Variants in ANKRD46 observed in about 807,000 individuals in gnomAD.
ANKRD46 encodes the protein ankyrin repeat domain 46.
In ANKRD46, 13 loss-of-function variants were observed where a neutral mutation model predicts 19.8. The ratio of observed to expected loss-of-function variants is 0.66; its 90% confidence interval spans 0.43 to 1.04. The LOEUF is 1.04. Among genes scored for constraint, ANKRD46 ranks in the 50% least tolerant of loss-of-function variants. The pLI is 0.00. For missense variants in ANKRD46, 185 were observed against 274.8 expected (o/e 0.67, Z 2.31); for synonymous variants, 91 against 106.9 (o/e 0.85, Z 0.92).
Position 100,510,549 on chromosome 8 carries a change from T to G in ANKRD46, c.*28A>C. 6.5e-7 allele frequency: 1 copy of G among 1,528,528 alleles called. No homozygotes were observed. The highest frequency in any genetic ancestry group is 8.8e-7 in the Non-Finnish European group (1 of 1,142,576). The allele number at this position is 1,528,528 out of a possible 1,614,324, so 94.7% of individuals were successfully genotyped here. A position where few individuals can be genotyped will look rare whatever the true frequency, so the allele number is the denominator to read the frequency against. ...TCCCTTCTTTCTTGCCTTCTGAGGC[T>G]CAGGAGCACAGGACACTGACCTAGA... On this transcript the variant is annotated 3_prime_UTR_variant, in exon 6 of 6. Coordinates refer to the ANKRD46 transcript ENST00000520552. The surrounding 1 kb of genome is among the most constrained non-coding windows in gnomAD (Gnocchi z 4.9).
rs948811668 is a variant in ANKRD46 at position 100,557,418 on chromosome 8, T to C, written c.-131+2293A>G. Among the ~76,000 whole-genome samples, 1 of 152,242 alleles carries C rather than the reference T, an allele frequency of 6.6e-6. No homozygotes were observed. The highest frequency in any genetic ancestry group is 2.4e-5 in the African/African-American group (1 of 41,470). On this transcript the variant is annotated intron_variant, in intron 1 of 4. Coordinates refer to ENST00000335659, the MANE Select transcript of ANKRD46 (RefSeq NM_001270377.2). This position sits in a 1 kb window ranked among gnomAD's most constrained non-coding sequence, Gnocchi z 5.9. ...CTTACTGCCTCTCTTACTACCCACC[T>C]GGTCTAAGCCACCATTCTCTCTGGC...
chr8:100,545,430 T>C lies in ANKRD46; in HGVS notation c.-130-12119A>G, dbSNP rs1812254045. Among the ~76,000 whole-genome samples, 1 of 152,164 alleles carries C rather than the reference T, an allele frequency of 6.6e-6. No homozygotes were observed. The highest frequency in any genetic ancestry group is 2.1e-4 in the South Asian group (1 of 4,828). ...TAAAATTGGTCGTTTCCCCTACACA[T>C]TCTCTCTTGCCGCCATGTAAGATGT... On this transcript the variant is annotated intron_variant, in intron 1 of 4. Coordinates refer to ENST00000335659, the MANE Select transcript of ANKRD46 (RefSeq NM_001270377.2). This position sits in a 1 kb window ranked among gnomAD's most constrained non-coding sequence, Gnocchi z 4.7.
At chr8:100,552,821 G>A (rs1013634747) in intron 1 of ANKRD46, among the ~76,000 whole-genome samples, 14 of 152,172 alleles carry the variant, frequency 9.2e-5, no homozygotes, top group Non-Finnish European at 7.3e-5. Flanking sequence ...TTCCTATTAC[G>A]GGTATCAATA....
Position 100,522,122 on chromosome 8 carries a change from A to T in ANKRD46, c.*433T>A, listed in dbSNP as rs563772332. The T allele has an allele frequency of 2.0e-6, 2 of 990,612 alleles. No individual in the cohort carries two copies. The highest frequency in any genetic ancestry group is 2.2e-4 in the East Asian group (2 of 8,992). 61.4% of individuals were successfully genotyped at this position (990,612 alleles called of 1,614,324 possible). ...TTATCCCTAGAGAAAGTAAATAAAA[A>T]GTGGCTCTTGCAAAAATAAATGAAA... On this transcript the variant is annotated 3_prime_UTR_variant, in exon 5 of 5. Transcript: ENST00000335659.
chr8:100,542,074 A>G (rs1461857988), intron 1 of ANKRD46, among the ~76,000 whole-genome samples: 1 of 152,052 alleles, frequency 6.6e-6, no homozygotes, highest in Non-Finnish European at 1.5e-5. Flanking sequence ...CACAAAACAT[A>G]CATAATGACA....
chr8:100,520,816 T>C lies in ANKRD46; in HGVS notation c.*1739A>G, dbSNP rs1473075244. 4.1e-6 allele frequency: 4 copies of C among 982,380 alleles called. No homozygotes were observed. The highest frequency in any genetic ancestry group is 1.8e-5 in the African/African-American group (1 of 56,628). The allele number at this position is 982,380 out of a possible 1,614,324, so 60.9% of individuals were successfully genotyped here. A position where few individuals can be genotyped will look rare whatever the true frequency, so the allele number is the denominator to read the frequency against. ...ATTTATTGGTGGTATTCCTGAATGA[T>C]GAATGCAGAGAACAGAATACAAAGA... On this transcript the variant is annotated 3_prime_UTR_variant, in exon 5 of 5. Coordinates refer to ENST00000335659, the MANE Select transcript of ANKRD46 (RefSeq NM_001270377.2).
chr8:100,534,000 A>G (rs978949443), intron 1 of ANKRD46, among the ~76,000 whole-genome samples: 2 of 152,186 alleles, frequency 1.3e-5, no homozygotes, highest in African/African-American at 4.8e-5. Context: ...CTCTGGAAGG[A>G]CCGTGGAAGC....
rs1812252158 is a variant in ANKRD46 at position 100,545,354 on chromosome 8, T to A, written c.-130-12043A>T. Among the ~76,000 whole-genome samples the A allele has an allele frequency of 1.3e-5, 2 of 152,142 alleles. No homozygotes were observed. Among genetic ancestry groups the A allele is most frequent in the African/African-American group, 4.8e-5 (2 of 41,428 alleles). ...TGGAGCATGGGGGTGGTTACCCCCATGCTGTTCTCATGATAGTGAGGGAGG... is the reference window on the plus strand; with the variant it reads ...TGGAGCATGGGGGTGGTTACCCCCAAGCTGTTCTCATGATAGTGAGGGAGG... On this transcript the variant is annotated intron_variant, in intron 1 of 4. Transcript: ENST00000335659. This position sits in a 1 kb window ranked among gnomAD's most constrained non-coding sequence, Gnocchi z 4.7.
In ANKRD46 at chr8:100,536,577, C is replaced by A. The variant is rs984758617; in HGVS notation, c.-130-3266G>T. 3.3e-5 allele frequency among the ~76,000 whole-genome samples: 5 copies of A among 152,170 alleles called. No individual in the cohort carries two copies. The highest frequency in any genetic ancestry group is 9.7e-5 in the African/African-American group (4 of 41,448). Reference sequence around the variant, plus strand: ...CAGCACTGATCCCCTGGTAACAGAGCAGCTTCTGATAATGGGGTGACATCT... The same window carrying A: ...CAGCACTGATCCCCTGGTAACAGAGAAGCTTCTGATAATGGGGTGACATCT... On this transcript the variant is annotated intron_variant, in intron 1 of 4. Transcript: ENST00000335659. This position sits in a 1 kb window ranked among gnomAD's most constrained non-coding sequence, Gnocchi z 4.9.
intron 1 of ANKRD46, among the ~76,000 whole-genome samples, chr8:100,552,166 A>G (rs981453545): frequency 3.3e-5 from 5 of 151,864 alleles, no homozygotes; most frequent in East Asian, 1.9e-4. Context: ...AAAAAAAAAA[A>G]AAAAGAAATG....
rs989166910 is a variant in ANKRD46 at position 100,539,443 on chromosome 8, T to G, written c.-130-6132A>C. Among the ~76,000 whole-genome samples the G allele has an allele frequency of 1.6e-4, 24 of 152,364 alleles. No homozygotes were observed. In the East Asian group the frequency reaches 4.4e-3, roughly 28 times the overall value. On this transcript the variant is annotated intron_variant, in intron 1 of 4. Transcript: ENST00000335659. ...TGAAGAACATTGGAAAGAAGGAGTTTATAAGCAGAATCTTCTGAATTTTAT... is the reference window on the plus strand; with the variant it reads ...TGAAGAACATTGGAAAGAAGGAGTTGATAAGCAGAATCTTCTGAATTTTAT...
chr8:100,557,266 C>T lies in ANKRD46; in HGVS notation c.-131+2445G>A, dbSNP rs1006951863. ...ACACTCAGTCTTCTCCATCTCAGTA[C>T]ACTGTTTAACTAAAGCCTTCCAATA... On this transcript the variant is annotated intron_variant, in intron 1 of 4. Transcript: ENST00000335659. The surrounding 1 kb of genome is among the most constrained non-coding windows in gnomAD (Gnocchi z 5.9). Among the ~76,000 whole-genome samples the T allele has an allele frequency of 6.6e-5, 10 of 152,216 alleles. No individual in the cohort carries two copies. The highest frequency in any genetic ancestry group is 2.2e-4 in the African/African-American group (9 of 41,450).
chr8:100,523,054 G>A (rs1319030685), intron 4 of ANKRD46, among the ~76,000 whole-genome samples: 7 of 152,024 alleles, frequency 4.6e-5, no homozygotes, highest in African/African-American at 1.2e-4. Context: ...CTGGCTGGGC[G>A]TGGTAGCTCA....
At chr8:100,548,742 G>A (rs191084958) in intron 1 of ANKRD46, among the ~76,000 whole-genome samples, 1 of 152,142 alleles carries the variant, frequency 6.6e-6, no homozygotes, top group African/African-American at 2.4e-5. Flanking sequence ...TGAAAATGAA[G>A]GCATTCACTG....
chr8:100,527,743 T>G lies in ANKRD46; in HGVS notation c.470+102A>C. On this transcript the variant is annotated intron_variant, in intron 4 of 4. Transcript: ENST00000335659. The surrounding 1 kb of genome is among the most constrained non-coding windows in gnomAD (Gnocchi z 4.0). ...TGCTGGGTGTGGCTACATGTGCCTA[T>G]AGTCCCAGCTAGTCAGGAGGCTGAG... 7.9e-7 allele frequency: 1 copy of G among 1,268,278 alleles called. No individual in the cohort carries two copies. Among genetic ancestry groups the G allele is most frequent in the South Asian group, 1.8e-5 (1 of 54,152 alleles). 78.6% of individuals were successfully genotyped at this position (1,268,278 alleles called of 1,614,324 possible).
chr8:100,522,917 A>G (rs1019042072), intron 4 of ANKRD46, 146 bp from the exon 5 acceptor site: 5 of 633,836 alleles, frequency 7.9e-6, no homozygotes, highest in African/African-American at 3.7e-5. Context: ...ATATATATAT[A>G]CACACTCTTA....
intron 1 of ANKRD46, among the ~76,000 whole-genome samples, chr8:100,555,915 C>T (rs1007899870): frequency 4.6e-5 from 7 of 152,060 alleles, no homozygotes; most frequent in Admixed American, 2.0e-4. Context: ...GCACATTTAT[C>T]CAGTCAGGAT....
chr8:100,510,382 C>T lies in ANKRD46; in HGVS notation c.*195G>A. 1 of 445,346 alleles carries T rather than the reference C, an allele frequency of 2.2e-6. No homozygotes were observed. The highest frequency in any genetic ancestry group is 3.9e-6 in the Non-Finnish European group (1 of 257,054). The allele number at this position is 445,346 out of a possible 1,614,324, so 27.6% of individuals were successfully genotyped here. ...GCCAGGAAGACAGCAGGTGCCCGGG[C>T]TGCCTGCAGGGCAGGACTGGAGAGG... On this transcript the variant is annotated 3_prime_UTR_variant, in exon 6 of 6. Transcript: ENST00000520552. The surrounding 1 kb of genome is among the most constrained non-coding windows in gnomAD (Gnocchi z 4.9).
intron 1 of ANKRD46, chr8:100,551,079 G>T: frequency 2.0e-6 from 1 of 509,828 alleles, no homozygotes; most frequent in East Asian, 4.9e-5. Context: ...CCACAGCCTT[G>T]GCAACACCAG....
Sources: gnomAD v4.1 joint callset for allele counts (sites outside exome capture counted in the v4.1 genomes callset) on GRCh38, gnomAD v4.1.1 for gene constraint, Gnocchi (gnomAD v3.1) non-coding constraint, MANE v1.5 for transcripts, NCBI Gene and HGNC (gene_info 2026-07-23, HGNC 2026-07-21) for gene names.